The following OR9Q1 variants were observed in gnomAD, a reference collection of about 807,000 sequenced individuals.
The protein encoded by OR9Q1 is olfactory receptor 9Q1.
For synonymous variants in OR9Q1, 153 were observed against 148.6 expected (o/e 1.03, Z -0.22); for missense variants, 374 against 378.8 (o/e 0.99, Z 0.11).
chr11:58,070,866 A>G (rs1404449080), intron 2 of OR9Q1, among the ~76,000 whole-genome samples: 1 of 152,136 alleles, frequency 6.6e-6, no homozygotes, highest in East Asian at 1.9e-4. Flanking sequence ...TTGAGAGAAG[A>G]ATGCTAACCA....
At chr11:58,035,317 G>A (rs1590546725) in intron 1 of OR9Q1, among the ~76,000 whole-genome samples, 2 of 152,074 alleles carry the variant, frequency 1.3e-5, no homozygotes, top group South Asian at 4.1e-4. Flanking sequence ...CACAAACTAA[G>A]TCCCCAGAAT....
chr11:58,124,525 A>G (rs1033599861), intron 2 of OR9Q1: 6 of 152,174 alleles, frequency 3.9e-5, no homozygotes, highest in Non-Finnish European at 7.3e-5. Flanking sequence ...AACAAAGTTA[A>G]TGTTTCTCAC....
chr11:58,149,180 T>A, intron 2 of OR9Q1, among the ~76,000 whole-genome samples: 1 of 152,188 alleles, frequency 6.6e-6, no homozygotes, highest in East Asian at 1.9e-4. Context: ...CTTTGGGTAT[T>A]AAAACCCCTG....
At chr11:58,147,652 C>T (rs935244796) in intron 2 of OR9Q1, among the ~76,000 whole-genome samples, 7 of 151,942 alleles carry the variant, frequency 4.6e-5, no homozygotes, top group African/African-American at 1.7e-4. Context: ...ATGTATGCAC[C>T]AAGTGGATAA....
chr11:58,125,508 A>C (rs917882661), intron 2 of OR9Q1: 2 of 152,214 alleles, frequency 1.3e-5, no homozygotes, highest in Non-Finnish European at 2.9e-5. Context: ...TTTTGTAGAA[A>C]GCAGCTAAGA....
chr11:58,114,781 G>A (rs1853934905), intron 2 of OR9Q1, among the ~76,000 whole-genome samples: 1 of 152,174 alleles, frequency 6.6e-6, no homozygotes, highest in Admixed American at 6.5e-5. Flanking sequence ...CAGACCCAGA[G>A]GGGTTGTGTT....
intron 2 of OR9Q1, among the ~76,000 whole-genome samples, chr11:58,061,245 T>C (rs1262471404): frequency 6.6e-6 from 1 of 152,114 alleles, no homozygotes; most frequent in Non-Finnish European, 1.5e-5. Flanking sequence ...TTTTGGTGAG[T>C]CTTTGGCCCT....
At chr11:58,147,355 G>A (rs1184914276) in intron 2 of OR9Q1, among the ~76,000 whole-genome samples, 3 of 152,094 alleles carry the variant, frequency 2.0e-5, no homozygotes, top group Non-Finnish European at 4.4e-5. Flanking sequence ...CCTTCTTAAG[G>A]GATCAGCATG....
intron 2 of OR9Q1, among the ~76,000 whole-genome samples, chr11:58,165,278 G>A (rs939825324): frequency 2.0e-5 from 3 of 152,162 alleles, no homozygotes; most frequent in African/African-American, 7.2e-5. Flanking sequence ...TCTAACACAC[G>A]CTTAATGCCT....
At chr11:58,081,902 C>A (rs1486069110) in intron 2 of OR9Q1, among the ~76,000 whole-genome samples, 1 of 150,424 alleles carries the variant, frequency 6.6e-6, no homozygotes, top group African/African-American at 2.4e-5. Flanking sequence ...ACAGTGTTGA[C>A]TTAAATTGAC....
At chr11:58,060,792 G>A (rs1853373406) in intron 2 of OR9Q1, among the ~76,000 whole-genome samples, 2 of 101,338 alleles carry the variant, frequency 2.0e-5, no homozygotes, top group Non-Finnish European at 4.3e-5. Flanking sequence ...AATTAAGAGA[G>A]CACTTTTTTT....
chr11:58,131,489 A>T (rs1444892195), intron 2 of OR9Q1, among the ~76,000 whole-genome samples: 2 of 152,114 alleles, frequency 1.3e-5, no homozygotes, highest in Non-Finnish European at 2.9e-5. Flanking sequence ...AAGGATGTAT[A>T]TCACAGTGTC....
At chr11:58,036,692 G>A (rs1019094124) in intron 1 of OR9Q1, among the ~76,000 whole-genome samples, 4 of 152,218 alleles carry the variant, frequency 2.6e-5, no homozygotes, top group Non-Finnish European at 4.4e-5. Context: ...CAAGACTTTA[G>A]TGGAGGAAGT....
rs766627351 is a variant in OR9Q1, at chr11:58,119,212, G to T, written c.-14-60219G>T. On this transcript the variant is annotated intron_variant, in intron 2 of 2. Transcript: ENST00000335397. ...GGCCAATGTGGCTAGGATCTGAGGG[G>T]TGATGACTGAGGTGTAACAGGCATC... is the stretch of plus-strand genomic sequence containing the variant. 3 of 1,613,806 alleles carry T rather than the reference G, an allele frequency of 1.9e-6. No individual in the cohort carries two copies. The Admixed American group carries it at 5.0e-5, about 27-fold the overall frequency.
chr11:58,178,876 GTATATATTATATATATATT>G (rs1854629236), intron 2 of OR9Q1, among the ~76,000 whole-genome samples: 2 of 117,352 alleles, frequency 1.7e-5, no homozygotes, highest in Admixed American at 9.1e-5. Context: ...TATTTTATAT[GTATATATTATATATATATT>G]TATATATTAT....
chr11:58,159,962 C>T (rs563917413), intron 2 of OR9Q1, among the ~76,000 whole-genome samples: 1 of 152,298 alleles, frequency 6.6e-6, no homozygotes, highest in Admixed American at 6.5e-5. Flanking sequence ...CTAGTTCAAC[C>T]AGTAAAATGT....
At chr11:58,093,712 A>G (rs947088760) in intron 2 of OR9Q1, among the ~76,000 whole-genome samples, 1 of 145,706 alleles carries the variant, frequency 6.9e-6, no homozygotes, top group East Asian at 2.0e-4. Context: ...GTGAGCCAAG[A>G]TCACACCATT....
In OR9Q1 at chr11:58,180,379, C is replaced by T. The variant is rs779872069; in HGVS notation, c.*2C>T. 1.3e-6 allele frequency: 2 copies of T among 1,550,608 alleles called. No homozygotes were observed. The highest frequency in any genetic ancestry group is 1.7e-6 in the Non-Finnish European group (2 of 1,145,950). The stretch of plus-strand genomic sequence containing the variant: ...CTCAATAGAGCCAAGTTGTCCTAAC[C>T]ATCTCCAAACTTGGAAAATCCCGAG... On this transcript the variant is annotated 3_prime_UTR_variant, in exon 3 of 3. Transcript: ENST00000335397.
chr11:58,149,137 C>T (rs1327925737), intron 2 of OR9Q1, among the ~76,000 whole-genome samples: 1 of 152,166 alleles, frequency 6.6e-6, no homozygotes, highest in East Asian at 1.9e-4. Context: ...AATATCTAAA[C>T]TCTTTCTAAT....
Sources: gnomAD v4.1 joint callset for allele counts (sites outside exome capture counted in the v4.1 genomes callset) on GRCh38, gnomAD v4.1.1 for gene constraint, MANE v1.5 for transcripts, NCBI Gene and HGNC (gene_info 2026-07-23, HGNC 2026-07-21) for gene names.